The following NEBL variants were observed in gnomAD, a reference collection of about 807,000 sequenced individuals.
NEBL encodes the protein nebulette.
Under a neutral mutation model 140.2 loss-of-function variants are expected in NEBL, and 122 were observed. That is an observed-to-expected ratio of 0.87 (90% CI 0.75 to 1.01). The LOEUF is 1.01. Ranked by LOEUF, NEBL falls within the 50% of genes least tolerant of loss-of-function variation. NEBL has a pLI of 0.00. For missense variants in NEBL, 1,365 were observed against 1,231.3 expected, an observed-to-expected ratio of 1.11 and a Z score of -1.62; for synonymous variants, 436 against 398.9, an observed-to-expected ratio of 1.09 and a Z score of -1.11.
intron 2 of NEBL, among the ~76,000 whole-genome samples, chr10:21,062,568 TC>T (rs1322962801): frequency 6.6e-6 from 1 of 151,950 alleles, no homozygotes; most frequent in Non-Finnish European, 1.5e-5. Context: ...GCACCTGTGG[TC>T]CCAGCTACAC....
chr10:21,059,876 C>A (rs1435789462), intron 2 of NEBL, among the ~76,000 whole-genome samples: 1 of 152,118 alleles, frequency 6.6e-6, no homozygotes, highest in East Asian at 1.9e-4. Context: ...ATAAGATGGC[C>A]AGACACTCCA....
chr10:21,155,964 G>A (rs553796782), intron 2 of NEBL, among the ~76,000 whole-genome samples: 6 of 152,230 alleles, frequency 3.9e-5, no homozygotes, highest in East Asian at 3.9e-4. Flanking sequence ...TATTGCCACC[G>A]CTCAAAAGCA....
exon 4 of NEBL, chr10:20,961,758 C>G (rs200829162): frequency 1.2e-5 from 20 of 1,613,542 alleles, no homozygotes; most frequent in Non-Finnish European, 1.7e-5. Context: ...TTGCTTTCTT[C>G]AAAATCTCTT....
At chr10:21,088,561 C>A (rs542884729) in intron 2 of NEBL, among the ~76,000 whole-genome samples, 50 of 152,282 alleles carry the variant, frequency 3.3e-4, no homozygotes, top group African/African-American at 1.2e-3. Flanking sequence ...AAAGCATGTC[C>A]TATGGCCACT....
chr10:21,175,284 CA>C (rs1412575832), upstream of NEBL, among the ~76,000 whole-genome samples: 4 of 152,208 alleles, frequency 2.6e-5, no homozygotes, highest in Non-Finnish European at 5.9e-5. Context: ...AGCTACCGAA[CA>C]GCTTCTACTC....
intron 14 of NEBL, among the ~76,000 whole-genome samples, chr10:20,831,873 AT>A (rs1160393441): frequency 6.6e-6 from 1 of 152,152 alleles, no homozygotes; most frequent in Non-Finnish European, 1.5e-5. Context: ...AACTTGATAT[AT>A]TATTGGGTCA....
intron 2 of NEBL, among the ~76,000 whole-genome samples, chr10:21,041,868 C>T (rs1461875056): frequency 6.6e-6 from 1 of 152,138 alleles, no homozygotes; most frequent in Non-Finnish European, 1.5e-5. Context: ...ATAGTAATTT[C>T]CCGATGTTGT....
intron 3 of NEBL, among the ~76,000 whole-genome samples, chr10:21,215,168 C>G (rs1460482995): frequency 6.6e-6 from 1 of 152,176 alleles, no homozygotes; most frequent in Non-Finnish European, 1.5e-5. Context: ...AAATTAGTGG[C>G]ATGTGGTGGC....
intron 22 of NEBL, among the ~76,000 whole-genome samples, chr10:20,815,007 C>T (rs1838579716): frequency 6.6e-6 from 1 of 152,178 alleles, no homozygotes; most frequent in South Asian, 2.1e-4. Flanking sequence ...CATCAGAACA[C>T]CGCCATTTAT....
chr10:20,966,873 G>A (rs529722619), intron 3 of NEBL, among the ~76,000 whole-genome samples: 2 of 152,192 alleles, frequency 1.3e-5, no homozygotes, highest in South Asian at 4.1e-4. Context: ...AAGCCATCGC[G>A]GATGAAGGAA....
chr10:20,924,438 A>AAAAAAAAC (rs1554807406), intron 4 of NEBL, among the ~76,000 whole-genome samples: 1 of 147,436 alleles, frequency 6.8e-6, no homozygotes, highest in Admixed American at 6.8e-5. Context: ...AAAAAAAAAA[A>AAAAAAAAC]GGCTACACCT....
intron 4 of NEBL, among the ~76,000 whole-genome samples, chr10:20,906,300 C>T (rs1309890377): frequency 6.6e-6 from 1 of 152,050 alleles, no homozygotes; most frequent in Non-Finnish European, 1.5e-5. Flanking sequence ...AAGTTACTAA[C>T]ACCTATGTTC....
intron 2 of NEBL, chr10:21,112,737 A>G (rs1838084126): frequency 7.8e-6 from 1 of 127,460 alleles, no homozygotes; most frequent in Non-Finnish European, 1.5e-5. Flanking sequence ...AACTTAAAGT[A>G]TAATAAAAAA....
chr10:20,947,813 G>A (rs900551859), intron 4 of NEBL, among the ~76,000 whole-genome samples: 5 of 152,080 alleles, frequency 3.3e-5, no homozygotes, highest in Non-Finnish European at 5.9e-5. Context: ...TGAGGTAAGG[G>A]GCACCCAAAA....
intron 3 of NEBL, among the ~76,000 whole-genome samples, chr10:21,196,284 G>A (rs1422086319): frequency 5.3e-5 from 8 of 151,508 alleles, no homozygotes; most frequent in Non-Finnish European, 1.2e-4. Context: ...TTATAGGCGT[G>A]AGCCACCACG....
rs369862013 is a variant in NEBL at position 20,889,862 on chromosome 10, C to T, written c.241G>A (p.Gly81Ser). Residue 81 changes from glycine (G) to serine (S), a missense_variant, in exon 3 of 28, where the codon GGT (glycine) becomes AGT (serine). Physicochemically the swap from Gly to Ser is moderately conservative, Grantham distance 56. Around this residue, in one of 2 missense-constraint regions of NEBL, gnomAD observed 1,323 missense variants for 1,154.8 expected, o/e 1.15. Transcript: ENST00000377122. ...TACCTTACCTCAGAAATAAAAGCACCGATATTTTTTACATGGTTTAGCATA... is the reference window on the plus strand; with the variant it reads ...TACCTTACCTCAGAAATAAAAGCACTGATATTTTTTACATGGTTTAGCATA... ...SPMLNHVKNI[G>S]AFISEAKYKG... 58 of 1,610,150 alleles carry T rather than the reference C, an allele frequency of 3.6e-5. No homozygotes were observed. The highest frequency in any genetic ancestry group is 2.7e-4 in the South Asian group (25 of 90,924).
At chr10:20,851,000 A>C (rs1842451050) in intron 10 of NEBL, among the ~76,000 whole-genome samples, 2 of 152,176 alleles carry the variant, frequency 1.3e-5, no homozygotes, top group South Asian at 2.1e-4. Flanking sequence ...TGAGTAAAAC[A>C]CTCACACAGA....
chr10:21,047,646 A>C (rs1834581241), intron 2 of NEBL, among the ~76,000 whole-genome samples: 1 of 152,188 alleles, frequency 6.6e-6, no homozygotes, highest in African/African-American at 2.4e-5. Context: ...TGACCAAAAA[A>C]ATGTGCAGGA....
chr10:21,143,645 C>G (rs1402681781), intron 2 of NEBL, among the ~76,000 whole-genome samples: 1 of 151,646 alleles, frequency 6.6e-6, no homozygotes, highest in African/African-American at 2.4e-5. Context: ...TGAAGAGGAC[C>G]CCAAATTCTA....
Sources: gnomAD v4.1 joint callset for allele counts (sites outside exome capture counted in the v4.1 genomes callset) on GRCh38, gnomAD v4.1.1 for gene constraint, gnomAD v4.1.1 regional missense constraint, MANE v1.5 for transcripts, NCBI Gene and HGNC (gene_info 2026-07-23, HGNC 2026-07-21) for gene names.